The following MYH10 variants were observed in gnomAD, a reference collection of about 807,000 sequenced individuals.
MYH10 encodes the protein myosin heavy chain 10.
In MYH10, 55 loss-of-function variants were observed where a neutral mutation model predicts 257.8. The ratio of observed to expected loss-of-function variants is 0.21; its 90% CI spans 0.17 to 0.27. The LOEUF is 0.27. Among genes scored for constraint, MYH10 ranks in the 10% least tolerant of loss-of-function variants. The pLI is 1.00. For synonymous variants in MYH10, 854 were observed against 921.7 expected, an observed-to-expected ratio of 0.93 and a Z score of 1.33; for missense variants, 1,631 against 2,500.6, an observed-to-expected ratio of 0.65 and a Z score of 7.42.
At chr17:8,620,662 CTGGT>C in intron 2 of MYH10, among the ~76,000 whole-genome samples, 1 of 152,266 alleles carries the variant, frequency 6.6e-6, no homozygotes, top group East Asian at 1.9e-4. Flanking sequence ...TCCCAACTGG[CTGGT>C]TAATTCCAAA....
At chr17:8,574,967 A>C (rs1567924326) in intron 6 of MYH10, among the ~76,000 whole-genome samples, 1 of 152,236 alleles carries the variant, frequency 6.6e-6, no homozygotes, top group Non-Finnish European at 1.5e-5. Context: ...AAAATTGAGA[A>C]CGAGTATTCT....
chr17:8,587,583 T>A (rs1412204350), intron 4 of MYH10, among the ~76,000 whole-genome samples: 2 of 151,732 alleles, frequency 1.3e-5, no homozygotes, highest in African/African-American at 2.4e-5. Context: ...TGGAGAAGAG[T>A]CGCGCCCCCC....
At chr17:8,486,613 A>C (rs187621594) in intron 36 of MYH10, among the ~76,000 whole-genome samples, 1 of 148,444 alleles carries the variant, frequency 6.7e-6, no homozygotes, top group Non-Finnish European at 1.5e-5. Context: ...TATTACCCAG[A>C]GATGACTTTC....
chr17:8,492,994 C>T lies in MYH10; in HGVS notation c.4240G>A (p.Asp1414Asn), dbSNP rs774645484. 5.0e-5 allele frequency: 80 copies of T among 1,613,592 alleles called. No individual in the cohort carries two copies. The highest frequency in any genetic ancestry group is 6.4e-5 in the Non-Finnish European group (75 of 1,179,986). Residue 1414 changes from aspartate to asparagine, a missense_variant, in exon 33 of 43, where the codon GAC becomes AAC. Around this residue, in one of 11 missense-constraint regions of MYH10, gnomAD observed 463 missense variants for 621.8 expected, o/e 0.74. Coordinates refer to ENST00000360416, the MANE Select transcript of MYH10 (RefSeq NM_001256012.3). ...TCCAGACTTTCAATTGTTCCCAGGTCGTCATCTACTTTCTTCTTGGTATCA... is the reference window on the plus strand; with the variant it reads ...TCCAGACTTTCAATTGTTCCCAGGTTGTCATCTACTTTCTTCTTGGTATCA... The part of the protein sequence containing the change: ...LADTKKKVDD[D>N]LGTIESLEEA...
At chr17:8,527,075 T>A (rs559146613) in intron 17 of MYH10, among the ~76,000 whole-genome samples, 1 of 152,332 alleles carries the variant, frequency 6.6e-6, no homozygotes, top group African/African-American at 2.4e-5. Flanking sequence ...GTCACTGTTA[T>A]AAACAATTTG....
chr17:8,629,024 A>G (rs1434394308), intron 1 of MYH10, among the ~76,000 whole-genome samples: 1 of 152,226 alleles, frequency 6.6e-6, no homozygotes, highest in Non-Finnish European at 1.5e-5. Context: ...AGAAGTAAGG[A>G]GATGCATAAA....
intron 25 of MYH10, among the ~76,000 whole-genome samples, chr17:8,509,363 A>T (rs2081183297): frequency 6.6e-6 from 1 of 152,170 alleles, no homozygotes; most frequent in Non-Finnish European, 1.5e-5. Context: ...ACGAGGATAA[A>T]ATAACTTCAC....
At chr17:8,496,903 C>T (rs1307667245) in intron 30 of MYH10, among the ~76,000 whole-genome samples, 1 of 152,174 alleles carries the variant, frequency 6.6e-6, no homozygotes, top group Non-Finnish European at 1.5e-5. Flanking sequence ...TTCTGGGAGT[C>T]TGCAATTTGG....
At chr17:8,495,921 G>A (rs1916531944) in intron 30 of MYH10, among the ~76,000 whole-genome samples, 1 of 152,088 alleles carries the variant, frequency 6.6e-6, no homozygotes. Flanking sequence ...ATGTTGGCCA[G>A]GCTGGTCTCG....
chr17:8,498,497 A>G (rs1282952821), intron 30 of MYH10, among the ~76,000 whole-genome samples: 3 of 152,168 alleles, frequency 2.0e-5, no homozygotes, highest in Non-Finnish European at 2.9e-5. Flanking sequence ...TTTCGGGTCT[A>G]AGGATACTCA....
chr17:8,536,567 G>A (rs545496680), intron 14 of MYH10, among the ~76,000 whole-genome samples: 18 of 152,214 alleles, frequency 1.2e-4, no homozygotes, highest in African/African-American at 3.6e-4. Flanking sequence ...TTGGGAGGCC[G>A]AGGCAGGTGG....
intron 31 of MYH10, among the ~76,000 whole-genome samples, chr17:8,494,087 C>T (rs1237018922): frequency 6.6e-6 from 1 of 152,198 alleles, no homozygotes; most frequent in African/African-American, 2.4e-5. Flanking sequence ...TCAGACTCAT[C>T]TCTGAAAAAC....
intron 4 of MYH10, among the ~76,000 whole-genome samples, chr17:8,581,251 C>G (rs971961879): frequency 6.6e-6 from 1 of 152,126 alleles, no homozygotes; most frequent in African/African-American, 2.4e-5. Context: ...AGTGGTCTCT[C>G]TGTTCTGTTC....
chr17:8,513,978 G>C, intron 21 of MYH10, 84 bp from the exon 22 acceptor site: 1 of 1,156,480 alleles, frequency 8.6e-7, no homozygotes, highest in Non-Finnish European at 1.2e-6. Flanking sequence ...CTAAAGGCCC[G>C]TGTTCTTCTT....
chr17:8,592,918 G>C, intron 3 of MYH10, among the ~76,000 whole-genome samples: 1 of 57,870 alleles, frequency 1.7e-5, no homozygotes, highest in Non-Finnish European at 3.6e-5. Flanking sequence ...CAAAATGTTG[G>C]TAAATCAAAT....
intron 11 of MYH10, 86 bp downstream of exon 11, chr17:8,548,227 G>A (rs1597798227): frequency 1.1e-6 from 1 of 948,814 alleles, no homozygotes; most frequent in South Asian, 1.6e-5. Flanking sequence ...TGCTTCAGAG[G>A]TGCTTTTACG....
intron 3 of MYH10, among the ~76,000 whole-genome samples, chr17:8,595,780 C>T (rs924864773): frequency 7.2e-5 from 2 of 27,884 alleles, no homozygotes; most frequent in Middle Eastern, 0.04. Flanking sequence ...CCATATCTTA[C>T]AGCTTCACAG....
intron 7 of MYH10, among the ~76,000 whole-genome samples, chr17:8,554,676 G>A (rs377175966): frequency 2.0e-5 from 3 of 152,212 alleles, no homozygotes; most frequent in African/African-American, 4.8e-5. Flanking sequence ...CAAGCTGGGC[G>A]TGCTGACTCA....
intron 14 of MYH10, among the ~76,000 whole-genome samples, chr17:8,541,672 AT>A (rs1210764775): frequency 6.6e-6 from 1 of 152,162 alleles, no homozygotes; most frequent in Non-Finnish European, 1.5e-5. Flanking sequence ...AAAAAAAAAA[AT>A]CTGGCAAAAT....
Sources: allele counts gnomAD v4.1 joint callset (sites outside exome capture counted in the v4.1 genomes callset), GRCh38; gene constraint gnomAD v4.1.1; regional missense constraint gnomAD v4.1.1; transcripts MANE v1.5; gene names NCBI Gene and HGNC (gene_info 2026-07-23, HGNC 2026-07-21).